COBLL1: variants seen among roughly 807,000 people sequenced by gnomAD.
The protein encoded by COBLL1 is cordon-bleu WH2 repeat protein like 1.
In COBLL1, 50 loss-of-function variants were observed where a neutral mutation model predicts 94.8. The ratio of observed to expected loss-of-function variants is 0.53; its 90% CI spans 0.42 to 0.67. The LOEUF (loss-of-function observed/expected upper bound fraction) is 0.67. Ranked by LOEUF, COBLL1 falls within the 30% of genes least tolerant of loss-of-function variation. The pLI, the probability that COBLL1 is intolerant of heterozygous loss-of-function variation, is 0.00. For missense variants in COBLL1, 1,362 were observed against 1,348.7 expected, an observed-to-expected ratio of 1.01 and a Z score of -0.15; for synonymous variants, 448 against 473.8, an observed-to-expected ratio of 0.95 and a Z score of 0.71.
intron 11 of COBLL1, chr2:164,697,736 C>G (rs753344803): frequency 6.6e-6 from 1 of 152,088 alleles, no homozygotes; most frequent in Non-Finnish European, 1.5e-5. Flanking sequence ...TTGTCTAACT[C>G]TGAATTTCTT....
chr2:164,687,702 A>T, intron 13 of COBLL1: 1 of 701,036 alleles, frequency 1.4e-6, no homozygotes, highest in Non-Finnish European at 2.6e-6. Flanking sequence ...TACACCACCA[A>T]GGAAGCTGCT....
At chr2:164,820,725 C>T (rs995567243) in intron 2 of COBLL1, among the ~76,000 whole-genome samples, 2 of 152,186 alleles carry the variant, frequency 1.3e-5, no homozygotes, top group Non-Finnish European at 2.9e-5. Flanking sequence ...TGCATGATCA[C>T]ACCTTCTTCC....
At chr2:164,744,681 G>C (rs79023884) in intron 2 of COBLL1, among the ~76,000 whole-genome samples, 2,258 of 152,248 alleles carry the variant, frequency 0.015, 52 homozygotes, top group African/African-American at 0.051. Flanking sequence ...AAGCCGCATG[G>C]TATGGATGGC....
chr2:164,729,068 A>G (rs1281332534), intron 4 of COBLL1, among the ~76,000 whole-genome samples: 1 of 151,860 alleles, frequency 6.6e-6, no homozygotes, highest in South Asian at 2.1e-4. Flanking sequence ...AAACACCTAG[A>G]CAGAAACAAA....
At chr2:164,773,738 T>C (rs1304829480) in intron 2 of COBLL1, 2 of 1,298,226 alleles carry the variant, frequency 1.5e-6, no homozygotes, top group South Asian at 2.5e-5. Flanking sequence ...TAAAACAGTA[T>C]TGTTCCTCTA....
At chr2:164,660,993 T>C (rs1318819259) in intron 2 of COBLL1, among the ~76,000 whole-genome samples, 1 of 152,206 alleles carries the variant, frequency 6.6e-6, no homozygotes, top group African/African-American at 2.4e-5. Flanking sequence ...AACATTTATG[T>C]CTCAGCTTAA....
At chr2:164,824,862 C>A (rs1009726613) in intron 2 of COBLL1, among the ~76,000 whole-genome samples, 1 of 152,198 alleles carries the variant, frequency 6.6e-6, no homozygotes, top group Non-Finnish European at 1.5e-5. Flanking sequence ...TTTAAGATCA[C>A]TCTTGCTATT....
At chr2:164,825,176 G>T (rs1470933863) in intron 2 of COBLL1, among the ~76,000 whole-genome samples, 1 of 152,014 alleles carries the variant, frequency 6.6e-6, no homozygotes, top group Non-Finnish European at 1.5e-5. Context: ...CATAACCAGA[G>T]TCCTGTAAGC....
intron 2 of COBLL1, among the ~76,000 whole-genome samples, chr2:164,809,135 T>C (rs1684336514): frequency 6.6e-6 from 1 of 152,086 alleles, no homozygotes; most frequent in South Asian, 2.1e-4. Flanking sequence ...TTAAATTAGG[T>C]ATGAATAAGA....
In COBLL1 at chr2:164,683,270, A is replaced by G. The variant is rs1008317112; in HGVS notation, c.*2676T>C. 5 of 152,058 alleles carry G rather than the reference A, an allele frequency of 3.3e-5. No homozygotes were observed. The highest frequency in any genetic ancestry group is 1.2e-4 in the African/African-American group (5 of 41,436). The allele number at this position is 152,058 out of a possible 1,614,324, so 9.4% of individuals were successfully genotyped here. A position where few individuals can be genotyped will look rare whatever the true frequency, so the allele number is the denominator to read the frequency against. ...GGAAAAGCAAAATGCCTAGATGCTA[A>G]AAATTATACATGAAAGTCAAAAGTT... On this transcript the variant is annotated 3_prime_UTR_variant, in exon 14 of 14. Coordinates refer to ENST00000652658, the MANE Select transcript of COBLL1 (RefSeq NM_001365672.2).
chr2:164,727,950 A>C lies in COBLL1; in HGVS notation c.661+19T>G. 3.3e-6 allele frequency: 5 copies of C among 1,495,184 alleles called. No homozygotes were observed. The highest frequency in any genetic ancestry group is 4.7e-6 in the Non-Finnish European group (5 of 1,075,042). 92.6% of individuals were successfully genotyped at this position (1,495,184 alleles called of 1,614,324 possible). ...ATATACACATCCCACTAAATAAATA[A>C]AATAAAAGTCTTACTTACCTCTGTT... On this transcript the variant is annotated intron_variant, in intron 5 of 13. Coordinates refer to ENST00000652658, the MANE Select transcript of COBLL1 (RefSeq NM_001365672.2).
chr2:164,781,673 C>T (rs1222530585), intron 2 of COBLL1, among the ~76,000 whole-genome samples: 5 of 152,168 alleles, frequency 3.3e-5, no homozygotes, highest in Non-Finnish European at 7.4e-5. Context: ...GACTATAGAG[C>T]TACATTCTTT....
intron 2 of COBLL1, among the ~76,000 whole-genome samples, chr2:164,748,515 A>G (rs1686979845): frequency 6.6e-6 from 1 of 152,228 alleles, no homozygotes; most frequent in Non-Finnish European, 1.5e-5. Context: ...ACTATACTTA[A>G]GAATACTAAG....
At chr2:164,668,026 CCTCTGTTATTTTCCAGTTT>C (rs1402837041) in intron 1 of COBLL1, among the ~76,000 whole-genome samples, 21 of 149,896 alleles carry the variant, frequency 1.4e-4, no homozygotes, top group Non-Finnish European at 3.0e-4. Flanking sequence ...CTCACTGCAA[CCTCTGTTATTTTCCAGTTT>C]CTCTGTTATT....
chr2:164,751,514 C>G (rs3769893), intron 2 of COBLL1, among the ~76,000 whole-genome samples: 39,619 of 151,812 alleles, frequency 0.26, 5,728 homozygotes, highest in African/African-American at 0.39. Flanking sequence ...AGAAGTCATT[C>G]AAGTCATTCA....
chr2:164,715,449 G>A (rs1481238260), intron 7 of COBLL1, among the ~76,000 whole-genome samples: 2 of 151,958 alleles, frequency 1.3e-5, no homozygotes, highest in Non-Finnish European at 2.9e-5. Context: ...ATCTAAAAAG[G>A]GGGATGTTTC....
rs186059827 is a variant in COBLL1 at position 164,660,421 on chromosome 2, G to A, written n.181+5426C>T. 2.8e-3 allele frequency among the ~76,000 whole-genome samples: 419 copies of A among 152,214 alleles called. 2 individuals carry two copies. Among genetic ancestry groups the A allele is most frequent in the Non-Finnish European group, 3.8e-3 (258 of 68,016 alleles). Reference sequence around the variant, plus strand: ...GAGAAAGTGTCAACGAAATTATACTGCAACCTGATTCAGGAGGGCCACGAG... The same window carrying A: ...GAGAAAGTGTCAACGAAATTATACTACAACCTGATTCAGGAGGGCCACGAG... On this transcript the variant is annotated intron_variant and non_coding_transcript_variant, in intron 2 of 2. Coordinates refer to the COBLL1 transcript ENST00000495084.
intron 1 of COBLL1, among the ~76,000 whole-genome samples, chr2:164,674,868 G>C (rs1691310844): frequency 6.6e-6 from 1 of 152,196 alleles, no homozygotes; most frequent in Admixed American, 6.5e-5. Context: ...CCACATGTTG[G>C]TAACTGAGAT....
intron 2 of COBLL1, among the ~76,000 whole-genome samples, chr2:164,822,016 A>G (rs1200744995): frequency 6.6e-6 from 1 of 152,206 alleles, no homozygotes; most frequent in African/African-American, 2.4e-5. Context: ...CATAAGGTTT[A>G]TTACTTTGTC....
Sources: allele counts gnomAD v4.1 joint callset (sites outside exome capture counted in the v4.1 genomes callset), GRCh38; gene constraint gnomAD v4.1.1; transcripts MANE v1.5; gene names NCBI Gene and HGNC (gene_info 2026-07-23, HGNC 2026-07-21).